Variants in ADK observed in about 807,000 individuals in gnomAD.
ADK encodes N6,N6-dimethyladenosine kinase.
In ADK, 24 loss-of-function variants were observed where a neutral mutation model predicts 44.7. The ratio of observed to expected loss-of-function variants is 0.54; its 90% confidence interval spans 0.39 to 0.76. ADK has a LOEUF of 0.76. ADK is among the 30% of genes least tolerant of loss of function. The pLI is 0.00. For missense variants in ADK, 321 were observed against 425.1 expected (o/e 0.76, Z 2.15); for synonymous variants, 128 against 142.6 (o/e 0.90, Z 0.73).
intron 6 of ADK, among the ~76,000 whole-genome samples, chr10:74,496,620 A>G (rs1345567047): frequency 6.6e-6 from 1 of 152,168 alleles, no homozygotes; most frequent in Admixed American, 6.5e-5. Context: ...GAATACAGCC[A>G]CCATGCCACA....
At chr10:74,328,971 G>A (rs1179105447) in intron 4 of ADK, among the ~76,000 whole-genome samples, 1 of 151,720 alleles carries the variant, frequency 6.6e-6, no homozygotes, top group Non-Finnish European at 1.5e-5. Context: ...ACAAGTTAAT[G>A]GGTGCAGCAC....
chr10:74,370,273 T>G (rs1191637609), intron 4 of ADK, among the ~76,000 whole-genome samples: 1 of 152,208 alleles, frequency 6.6e-6, no homozygotes. Flanking sequence ...ATCCCTATAC[T>G]ACTGTTAAAA....
intron 9 of ADK, chr10:74,656,188 C>G: frequency 3.9e-6 from 1 of 257,742 alleles, no homozygotes; most frequent in Non-Finnish European, 7.7e-6. Flanking sequence ...ACATTTTGTT[C>G]TCGAATCTCT....
intron 6 of ADK, among the ~76,000 whole-genome samples, chr10:74,499,147 G>A (rs921534696): frequency 1.3e-5 from 2 of 152,124 alleles, no homozygotes; most frequent in Non-Finnish European, 2.9e-5. Flanking sequence ...AAACTCTGGG[G>A]CTCAAGCAAT....
chr10:74,168,193 T>A (rs1259552239), intron 1 of ADK, among the ~76,000 whole-genome samples: 1 of 152,230 alleles, frequency 6.6e-6, no homozygotes, highest in African/African-American at 2.4e-5. Context: ...TAGTGTCTCC[T>A]GTAGTAGAAC....
At position 74,525,200 on chromosome 10, in the gene ADK, T is replaced by C. The variant is rs995524457; in HGVS notation, c.556-56T>C. The stretch of plus-strand genomic sequence containing the variant: ...TTGTATAGGTTTCTTTTATTCTCAC[T>C]GAGAGTGACTGTGGAGATGGTATTT... On this transcript the variant is annotated intron_variant, in intron 6 of 10. Coordinates refer to ENST00000539909, the MANE Select transcript of ADK (RefSeq NM_006721.4). 1.4e-5 allele frequency: 22 copies of C among 1,530,264 alleles called. No individual in the cohort carries two copies. The Admixed American group carries it at 2.8e-4, about 20-fold the overall frequency. 94.8% of individuals were successfully genotyped at this position (1,530,264 alleles called of 1,614,324 possible). A position where few individuals can be genotyped will look rare whatever the true frequency, so the allele number is the denominator to read the frequency against.
chr10:74,647,033 T>G (rs1299002722), intron 9 of ADK, among the ~76,000 whole-genome samples: 1 of 152,186 alleles, frequency 6.6e-6, no homozygotes, highest in African/African-American at 2.4e-5. Flanking sequence ...TTAAAAGGTA[T>G]TAAATTGTAT....
intron 9 of ADK, among the ~76,000 whole-genome samples, chr10:74,652,046 CTTTCT>C (rs1854293640): frequency 1.4e-5 from 2 of 138,524 alleles, no homozygotes; most frequent in Admixed American, 7.2e-5. Context: ...AACTTTCTTT[CTTTCT>C]TTTTTTTTTT....
chr10:74,388,723 GACTT>G (rs1377904317), intron 4 of ADK, among the ~76,000 whole-genome samples: 1 of 152,126 alleles, frequency 6.6e-6, no homozygotes, highest in African/African-American at 2.4e-5. Flanking sequence ...GACCTTGATT[GACTT>G]ACTTTTAATT....
At chr10:74,292,577 T>C (rs1350547298) in intron 3 of ADK, among the ~76,000 whole-genome samples, 1 of 152,194 alleles carries the variant, frequency 6.6e-6, no homozygotes, top group Non-Finnish European at 1.5e-5. Context: ...ATCTTTCCTC[T>C]AAAACCTGTT....
At chr10:74,414,340 T>A (rs1844292187) in intron 6 of ADK, among the ~76,000 whole-genome samples, 1 of 152,242 alleles carries the variant, frequency 6.6e-6, no homozygotes, top group South Asian at 2.1e-4. Flanking sequence ...TCATTTTCCA[T>A]ATGTTATTGA....
chr10:74,545,907 A>G (rs1849804753), intron 7 of ADK, among the ~76,000 whole-genome samples: 1 of 152,238 alleles, frequency 6.6e-6, no homozygotes, highest in Non-Finnish European at 1.5e-5. Flanking sequence ...ATATTACAGC[A>G]TCAGTCCAAT....
At chr10:74,576,312 G>T (rs1193669351) in intron 7 of ADK, among the ~76,000 whole-genome samples, 1 of 152,054 alleles carries the variant, frequency 6.6e-6, no homozygotes, top group Non-Finnish European at 1.5e-5. Context: ...AGTGGAGTTG[G>T]AAGATCCAAA....
At chr10:74,184,375 G>GCTCTA (rs1842670745) in intron 1 of ADK, among the ~76,000 whole-genome samples, 1 of 152,064 alleles carries the variant, frequency 6.6e-6, no homozygotes, top group Non-Finnish European at 1.5e-5. Flanking sequence ...CTGCTGCCCA[G>GCTCTA]CTGGAGTGCA....
At chr10:74,225,992 G>A (rs1399454989) in intron 3 of ADK, among the ~76,000 whole-genome samples, 1 of 152,054 alleles carries the variant, frequency 6.6e-6, no homozygotes, top group East Asian at 1.9e-4. Flanking sequence ...TAAAGAATAT[G>A]TTATTTAATA....
Position 74,151,321 on chromosome 10 carries a change from G to C in ADK, c.43G>C (p.Val15Leu). Residue 15 changes from valine to leucine, a missense_variant, in exon 1 of 11, where the codon GTG (valine) becomes CTG (leucine). Val to Leu is a conservative substitution (Grantham distance 32). Coordinates refer to ENST00000539909, the MANE Select transcript of ADK (RefSeq NM_006721.4). Reference protein sequence around the residue: ...EEEPKPKKLKVEAPQALRENI... With the variant: ...EEEPKPKKLKLEAPQALRENI... ...GGAGCCGAAGCCCAAAAAGCTGAAGGTGGAGGCGCCGCAAGCGCTGAGGTG... is the reference window on the plus strand; with the variant it reads ...GGAGCCGAAGCCCAAAAAGCTGAAGCTGGAGGCGCCGCAAGCGCTGAGGTG... The C allele has an allele frequency of 6.5e-7, 1 of 1,549,672 alleles. No homozygotes were observed. The highest frequency in any genetic ancestry group is 8.7e-7 in the Non-Finnish European group (1 of 1,146,838).
At chr10:74,305,986 A>G (rs1840234022) in intron 3 of ADK, among the ~76,000 whole-genome samples, 1 of 152,096 alleles carries the variant, frequency 6.6e-6, no homozygotes. Context: ...TGGCCTCCCA[A>G]AATGCTGAGA....
At chr10:74,152,947 A>G (rs868315763) in intron 1 of ADK, among the ~76,000 whole-genome samples, 2 of 152,258 alleles carry the variant, frequency 1.3e-5, no homozygotes, top group Middle Eastern at 3.4e-3. Flanking sequence ...ACAAATCTCT[A>G]ATTTTGTGGG....
At chr10:74,406,514 TAATAATAATAATAAGAAG>T (rs1843932472) in intron 6 of ADK, among the ~76,000 whole-genome samples, 1 of 39,028 alleles carries the variant, frequency 2.6e-5, no homozygotes, top group African/African-American at 1.1e-4. Context: ...AAAATAATAA[TAATAATAATAATAAGAAG>T]AAGAAGAAGA....
Sources: gnomAD v4.1 joint callset for allele counts (sites outside exome capture counted in the v4.1 genomes callset) on GRCh38, gnomAD v4.1.1 for gene constraint, MANE v1.5 for transcripts, NCBI Gene and HGNC (gene_info 2026-07-23, HGNC 2026-07-21) for gene names.